The following ARL10 variants were observed in gnomAD, a reference collection of about 807,000 sequenced individuals.
ARL10 encodes ADP-ribosylation factor-like protein 10.
Under a neutral mutation model 26.1 loss-of-function variants are expected in ARL10, and 23 were observed. The observed-to-expected ratio is 0.88, with a 90% CI of 0.63 to 1.25. ARL10 has a LOEUF of 1.25. Ranked by LOEUF, ARL10 falls within the 50% of genes most tolerant of loss-of-function variation. The pLI is 0.00. For synonymous variants in ARL10, 138 were observed against 149.1 expected (o/e 0.93, Z 0.54); for missense variants, 300 against 323.6 (o/e 0.93, Z 0.56).
chr5:176,411,060 C>T, the ARL10 span, among the ~76,000 whole-genome samples: 4 of 152,244 alleles, frequency 2.6e-5, no homozygotes, highest in Admixed American at 6.5e-5. Context: ...CCGCTAGGGG[C>T]AAACACCTGG....
intron 1 of ARL10, among the ~76,000 whole-genome samples, chr5:176,394,625 T>C (rs13169024): frequency 0.087 from 13,116 of 150,792 alleles, 687 homozygotes; most frequent in East Asian, 0.24. Flanking sequence ...GCATCCTGGC[T>C]AACACGGTGA....
chr5:176,392,623 G>T, downstream of ARL10: 1 of 838,696 alleles, frequency 1.2e-6, no homozygotes, highest in Non-Finnish European at 1.9e-6. The surrounding 1 kb of genome is among the most constrained non-coding windows in gnomAD (Gnocchi z 5.2). Flanking sequence ...GGCGTGATGG[G>T]GTGAGGGCCC....
rs1384276618 is a variant in ARL10, at chr5:176,394,544, G to GC, written c.134-7196dup. ...AAAAATTAGCTGGGTGTGGCCAGGCGCGGTGGCTCATGCCTGTAATCCCAG... is the reference window on the plus strand; with the variant it reads ...AAAAATTAGCTGGGTGTGGCCAGGCGCCGGTGGCTCATGCCTGTAATCCCAG... On this transcript the variant is annotated intron_variant, in intron 1 of 1. Transcript: ENST00000514533. 5.9e-5 allele frequency among the ~76,000 whole-genome samples: 9 copies of GC among 151,988 alleles called. No homozygotes were observed. The East Asian group carries it at 1.7e-3, about 29-fold the overall frequency.
At chr5:176,392,671 G>A (rs1007440063), downstream of ARL10, 22 of 1,350,786 alleles carry the variant, frequency 1.6e-5, no homozygotes, top group Admixed American at 3.9e-4. The surrounding 1 kb of genome is among the most constrained non-coding windows in gnomAD (Gnocchi z 5.2). Flanking sequence ...AGTGGAATAG[G>A]CTGTGGGTAG....
At chr5:176,395,746 C>T (rs1463963122) in intron 1 of ARL10, among the ~76,000 whole-genome samples, 1 of 152,170 alleles carries the variant, frequency 6.6e-6, no homozygotes, top group Admixed American at 6.5e-5. Flanking sequence ...AGTCAGTGCA[C>T]TGGGGCAGGA....
chr5:176,383,875 T>C (rs895328017), downstream of ARL10: 1 of 1,154,756 alleles, frequency 8.7e-7, no homozygotes, highest in Non-Finnish European at 1.2e-6. Flanking sequence ...TCAGCCCCGG[T>C]AGAGGTGGTT....
intron 3 of ARL10, among the ~76,000 whole-genome samples, chr5:176,371,459 T>TA (rs1345976268): frequency 6.6e-6 from 1 of 152,202 alleles, no homozygotes; most frequent in Non-Finnish European, 1.5e-5. Flanking sequence ...GCATTGAGTT[T>TA]AGGCCAAGGG....
At chr5:176,398,115 TG>T in intron 1 of ARL10, 1 of 1,421,300 alleles carries the variant, frequency 7.0e-7, no homozygotes, top group South Asian at 1.2e-5. Context: ...CTGCCCCTGC[TG>T]GGGACCCACT....
intron 1 of ARL10, among the ~76,000 whole-genome samples, chr5:176,397,439 C>A (rs1455577125): frequency 3.4e-5 from 5 of 145,338 alleles, no homozygotes; most frequent in African/African-American, 7.7e-5. Context: ...TCCCTCATGT[C>A]CCCACAGCCC....
intron 1 of ARL10, among the ~76,000 whole-genome samples, chr5:176,398,354 C>T (rs1415891990): frequency 2.0e-5 from 3 of 152,142 alleles, no homozygotes; most frequent in Non-Finnish European, 4.4e-5. Context: ...CTTTCTTTGT[C>T]ATAAAATGGG....
chr5:176,408,182 G>A, the ARL10 span, among the ~76,000 whole-genome samples: 1 of 151,968 alleles, frequency 6.6e-6, no homozygotes, highest in Admixed American at 6.6e-5. Context: ...GGTGGGTGCG[G>A]ACAGAAGCAG....
downstream of ARL10, chr5:176,388,904 T>A: frequency 6.2e-7 from 1 of 1,614,136 alleles, no homozygotes; most frequent in Non-Finnish European, 8.5e-7. Context: ...CCCCACTGTT[T>A]ACAGGAATCC....
At position 176,381,501 on chromosome 5, in the gene ARL10, G is replaced by A. The variant is rs1755551398; in HGVS notation, c.*9606G>A. 1 of 152,214 alleles carries A rather than the reference G, an allele frequency of 6.6e-6. No homozygotes were observed. Among genetic ancestry groups the A allele is most frequent in the Non-Finnish European group, 1.5e-5 (1 of 68,046 alleles). 9.4% of individuals were successfully genotyped at this position (152,214 alleles called of 1,614,324 possible). ...AACCAGGTAGTGCTCAGGACCAAAAGCGATGGTTCAGAATGTGTGCAGGCT... is the reference window on the plus strand; with the variant it reads ...AACCAGGTAGTGCTCAGGACCAAAAACGATGGTTCAGAATGTGTGCAGGCT... On this transcript the variant is annotated 3_prime_UTR_variant, in exon 4 of 4. Transcript: ENST00000310389.
In ARL10 at chr5:176,368,736, G is replaced by A. The variant is rs1768419786; in HGVS notation, c.386-71G>A. The A allele has an allele frequency of 6.6e-7, 1 of 1,505,790 alleles. No homozygotes were observed. Among genetic ancestry groups the A allele is most frequent in the African/African-American group, 1.4e-5 (1 of 71,864 alleles). The allele number at this position is 1,505,790 out of a possible 1,614,324, so 93.3% of individuals were successfully genotyped here. On this transcript the variant is annotated intron_variant, in intron 2 of 3. Coordinates refer to ENST00000310389, the MANE Select transcript of ARL10 (RefSeq NM_173664.6). The surrounding 1 kb of genome is among the most constrained non-coding windows in gnomAD (Gnocchi z 4.1). ...CTGTGGGCAGTGAGCGGGGGCCCGGGGTGGGGTGGGGGCTGTGGGCAGTGA... is the reference window on the plus strand; with the variant it reads ...CTGTGGGCAGTGAGCGGGGGCCCGGAGTGGGGTGGGGGCTGTGGGCAGTGA...
chr5:176,394,935 A>G (rs1405191570), intron 1 of ARL10, among the ~76,000 whole-genome samples: 1 of 151,996 alleles, frequency 6.6e-6, no homozygotes, highest in Non-Finnish European at 1.5e-5. Flanking sequence ...GGTATTCCAC[A>G]GCACCCATGC....
chr5:176,366,388 C>T lies in ARL10; in HGVS notation c.192C>T (p.Asp64=). The T allele has an allele frequency of 6.2e-7, 1 of 1,608,532 alleles. No individual in the cohort carries two copies. Among genetic ancestry groups the T allele is most frequent in the Non-Finnish European group, 8.5e-7 (1 of 1,179,120 alleles). The change falls in exon 2 of 4, where the codon GAC becomes GAT. Residue 64 remains aspartate (D), a synonymous_variant. Transcript: ENST00000310389. ...CCTCCGCTTCCCCGCAGCCCGAGGACGAGGAGGACGAGGAGCCGGCGCTGG... is the reference window on the plus strand; with the variant it reads ...CCTCCGCTTCCCCGCAGCCCGAGGATGAGGAGGACGAGGAGCCGGCGCTGG... The part of the protein sequence containing the change: ...LPEWDEWDPE[D]EEDEEPALEE...
chr5:176,371,449 G>A (rs925721732), intron 3 of ARL10, among the ~76,000 whole-genome samples: 33 of 152,218 alleles, frequency 2.2e-4, no homozygotes. Context: ...GAGGGAGAGA[G>A]CATTGAGTTT....
chr5:176,369,053 C>T (rs533984316), intron 3 of ARL10, 71 bp downstream of exon 3: 141 of 1,578,044 alleles, frequency 8.9e-5, no homozygotes, highest in Non-Finnish European at 1.0e-4. Flanking sequence ...GGGCAAGGAG[C>T]GCTGCCTGGG....
At position 176,368,114 on chromosome 5, in the gene ARL10, G is replaced by A. The variant is rs201709996; in HGVS notation, c.386-693G>A. ...CAGAAACATAGCCAGAAACACTAGGGTGCGGGGTGACCAATGGGACTGTGC... is the reference window on the plus strand; with the variant it reads ...CAGAAACATAGCCAGAAACACTAGGATGCGGGGTGACCAATGGGACTGTGC... On this transcript the variant is annotated intron_variant, in intron 2 of 3. Coordinates refer to ENST00000310389, the MANE Select transcript of ARL10 (RefSeq NM_173664.6). This position sits in a 1 kb window ranked among gnomAD's most constrained non-coding sequence, Gnocchi z 4.1. 1 of 481,900 alleles carries A rather than the reference G, an allele frequency of 2.1e-6. No individual in the cohort carries two copies. Among genetic ancestry groups the A allele is most frequent in the East Asian group, 5.7e-5 (1 of 17,668 alleles). The allele number at this position is 481,900 out of a possible 1,614,324, so 29.9% of individuals were successfully genotyped here.
Sources: allele counts gnomAD v4.1 joint callset (sites outside exome capture counted in the v4.1 genomes callset), GRCh38; gene constraint gnomAD v4.1.1; non-coding constraint Gnocchi (gnomAD v3.1); transcripts MANE v1.5; gene names NCBI Gene and HGNC (gene_info 2026-07-23, HGNC 2026-07-21).